The following TEX11 variants were observed in gnomAD, a reference collection of about 807,000 sequenced individuals.
TEX11 encodes the protein testis-expressed protein 11.
In TEX11, 7 loss-of-function variants were observed where a neutral mutation model predicts 84.4. That is an observed-to-expected ratio of 0.08 (90% CI 0.05 to 0.16). The LOEUF is 0.16. TEX11 is among the 10% of genes least tolerant of loss of function. TEX11 has a pLI of 1.00. For missense variants in TEX11, 551 were observed against 660.5 expected (o/e 0.83, Z 1.82); for synonymous variants, 264 against 222.8 (o/e 1.18, Z -1.64).
intron 13 of TEX11, among the ~76,000 whole-genome samples, chrX:70,710,707 G>A (rs2090421711): frequency 9.0e-6 from 1 of 110,568 alleles, no homozygotes; most frequent in African/African-American, 3.3e-5. Context: ...ATGATCTTCA[G>A]CTGATCTAGC....
intron 9 of TEX11, among the ~76,000 whole-genome samples, chrX:70,777,884 G>A (rs1317168630): frequency 9.0e-6 from 1 of 111,554 alleles, no homozygotes; most frequent in South Asian, 3.8e-4. Flanking sequence ...AATGACAATA[G>A]TTAAGTCCTT....
chrX:70,657,972 G>A (rs1183164677), intron 16 of TEX11, among the ~76,000 whole-genome samples: 1 of 100,404 alleles, frequency 1.0e-5, no homozygotes, highest in Admixed American at 1.1e-4. Flanking sequence ...TATACCTAAT[G>A]CTAAATGACG....
chrX:70,575,869 A>G (rs2088667358), intron 25 of TEX11, among the ~76,000 whole-genome samples: 1 of 111,702 alleles, frequency 9.0e-6, no homozygotes. Context: ...AGTAAGTTCA[A>G]ATATCACCTT....
rs1037424655 is a variant in TEX11 at position 70,670,889 on chromosome X, C to G, written c.1243-375G>C. Reference sequence around the variant, plus strand: ...TGCTAATGCAGCTATTTTCATTTATCTATGTTCAATTTTAACTGTATTCTT... The same window carrying G: ...TGCTAATGCAGCTATTTTCATTTATGTATGTTCAATTTTAACTGTATTCTT... On this transcript the variant is annotated intron_variant, in intron 15 of 29. Coordinates refer to ENST00000374333, the MANE Select transcript of TEX11 (RefSeq NM_031276.3). 4.5e-5 allele frequency among the ~76,000 whole-genome samples: 5 copies of G among 111,895 alleles called. No individual in the cohort carries two copies. The Admixed American group carries it at 4.7e-4, about 11-fold the overall frequency.
At chrX:70,868,265 AC>A (rs779889624) in intron 4 of TEX11, among the ~76,000 whole-genome samples, 1 of 112,249 alleles carries the variant, frequency 8.9e-6, no homozygotes, top group Non-Finnish European at 1.9e-5. Context: ...GGCCAAAAAA[AC>A]ATATTAAAAA....
At chrX:70,845,093 A>G (rs374531750) in intron 7 of TEX11, among the ~76,000 whole-genome samples, 1 of 112,201 alleles carries the variant, frequency 8.9e-6, no homozygotes, top group East Asian at 2.8e-4. Context: ...AGTGTCCATC[A>G]ACAGATGAAT....
downstream of TEX11, among the ~76,000 whole-genome samples, chrX:70,525,243 A>G (rs1397336495): frequency 9.0e-6 from 1 of 110,640 alleles, no homozygotes; most frequent in Non-Finnish European, 1.9e-5. Context: ...GTATGTGTAG[A>G]AAAAAAGACT....
At chrX:70,773,632 C>T (rs1205391529) in intron 9 of TEX11, among the ~76,000 whole-genome samples, 2 of 111,555 alleles carry the variant, frequency 1.8e-5, no homozygotes, top group Non-Finnish European at 3.8e-5. Context: ...TATACTCAAA[C>T]TCACAATATT....
Position 70,701,538 on chromosome X carries a change from G to A in TEX11, c.1005-18713C>T, listed in dbSNP as rs746825606. 3.6e-5 allele frequency among the ~76,000 whole-genome samples: 4 copies of A among 112,290 alleles called. No homozygotes were observed. In the South Asian group the frequency reaches 1.5e-3, roughly 41 times the overall value. ...GTCACCCAAGAGTTCTAAGGGAGAT[G>A]CAGAGGGAGATTAATGTTGTTTTCA... On this transcript the variant is annotated intron_variant, in intron 13 of 29. Coordinates refer to ENST00000374333, the MANE Select transcript of TEX11 (RefSeq NM_031276.3).
At chrX:70,875,490 G>A (rs966835402) in intron 3 of TEX11, among the ~76,000 whole-genome samples, 6 of 108,993 alleles carry the variant, frequency 5.5e-5, no homozygotes, top group Non-Finnish European at 1.1e-4. Context: ...TGTAATCCCA[G>A]CACTCTGGGA....
At chrX:70,694,424 A>G (rs754431631) in intron 13 of TEX11, among the ~76,000 whole-genome samples, 17 of 112,204 alleles carry the variant, frequency 1.5e-4, no homozygotes, top group African/African-American at 5.5e-4. Context: ...TTTAACAGGC[A>G]TTTCACAAAA....
intron 24 of TEX11, among the ~76,000 whole-genome samples, chrX:70,599,927 C>T (rs1404444525): frequency 9.3e-6 from 1 of 107,955 alleles, no homozygotes; most frequent in Non-Finnish European, 1.9e-5. Flanking sequence ...CATTGTTGGA[C>T]ATTTGGGTTG....
intron 25 of TEX11, among the ~76,000 whole-genome samples, chrX:70,573,769 G>T (rs1255922445): frequency 9.0e-6 from 1 of 111,672 alleles, no homozygotes; most frequent in Non-Finnish European, 1.9e-5. Context: ...ACTGTATTTG[G>T]ATAAATTAGA....
At chrX:70,761,443 A>G (rs1823960054) in intron 9 of TEX11, among the ~76,000 whole-genome samples, 1 of 111,940 alleles carries the variant, frequency 8.9e-6, no homozygotes, top group Admixed American at 9.5e-5. Context: ...AAAAAGGATG[A>G]GTTCATGTCC....
intron 13 of TEX11, among the ~76,000 whole-genome samples, chrX:70,713,159 G>T (rs1415673635): frequency 1.4e-4 from 16 of 111,432 alleles, no homozygotes; most frequent in Admixed American, 6.7e-4. Context: ...TCATGGTGGA[G>T]AAGCTTTTTG....
chrX:70,547,564 A>G (rs1425361501), intron 28 of TEX11, among the ~76,000 whole-genome samples: 1 of 111,346 alleles, frequency 9.0e-6, no homozygotes, highest in Non-Finnish European at 1.9e-5. Context: ...ACTCAAACAA[A>G]TTTACAAGAA....
intron 16 of TEX11, among the ~76,000 whole-genome samples, chrX:70,655,388 G>T (rs1171389416): frequency 9.0e-6 from 1 of 111,356 alleles, no homozygotes; most frequent in Non-Finnish European, 1.9e-5. Context: ...CAGGGTTATG[G>T]TTTCTACTAA....
At chrX:70,706,143 T>A (rs968107319) in intron 13 of TEX11, among the ~76,000 whole-genome samples, 1 of 110,907 alleles carries the variant, frequency 9.0e-6, no homozygotes, top group African/African-American at 3.3e-5. Flanking sequence ...AAAGGATGGG[T>A]TCATGTCCTT....
chrX:70,805,644 G>A (rs1271756529), intron 9 of TEX11, among the ~76,000 whole-genome samples: 2 of 111,630 alleles, frequency 1.8e-5, no homozygotes, highest in African/African-American at 6.5e-5. Context: ...CAGGTGATCT[G>A]CCCACCTTGG....
Sources: gnomAD v4.1 joint callset for allele counts (sites outside exome capture counted in the v4.1 genomes callset) on GRCh38, gnomAD v4.1.1 for gene constraint, MANE v1.5 for transcripts, NCBI Gene and HGNC (gene_info 2026-07-23, HGNC 2026-07-21) for gene names.